The following POLR1A variants were observed in gnomAD, a reference collection of about 807,000 sequenced individuals.
POLR1A encodes DNA-directed RNA polymerase I subunit RPA1.
Under a neutral mutation model 205.3 loss-of-function variants are expected in POLR1A, and 84 were observed. That is an observed-to-expected ratio of 0.41 (90% CI 0.34 to 0.49). The LOEUF (loss-of-function observed/expected upper bound fraction) is 0.49. POLR1A is among the 20% of genes least tolerant of loss of function. The pLI is 0.22. For missense variants in POLR1A, 1,645 were observed against 2,204.5 expected, an observed-to-expected ratio of 0.75 and a Z score of 5.08; for synonymous variants, 799 against 863.7, an observed-to-expected ratio of 0.93 and a Z score of 1.31.
intron 3 of POLR1A, among the ~76,000 whole-genome samples, chr2:86,092,826 A>G (rs993816666): frequency 6.6e-6 from 1 of 152,024 alleles, no homozygotes; most frequent in Non-Finnish European, 1.5e-5. Flanking sequence ...CTCTCTCTCA[A>G]AAAAAAAGAA....
rs865977646 is a variant in POLR1A at position 86,068,387 on chromosome 2, G to C, written c.1866+1631C>G. Among the ~76,000 whole-genome samples the C allele has an allele frequency of 3.0e-4, 8 of 26,862 alleles. No homozygotes were observed. The East Asian group carries it at 5.1e-3, about 17-fold the overall frequency. The allele number at this position is 26,862 out of a possible 152,430, so 17.6% of individuals were successfully genotyped here. A position where few individuals can be genotyped will look rare whatever the true frequency, so the allele number is the denominator to read the frequency against. The stretch of plus-strand genomic sequence containing the variant: ...AACACGCACAGCCAAGCACATGGGC[G>C]GGGGGGGGGGGCGGGTGTCGTCCAA... On this transcript the variant is annotated intron_variant, in intron 13 of 33. Coordinates refer to ENST00000263857, the MANE Select transcript of POLR1A (RefSeq NM_015425.6).
intron 16 of POLR1A, among the ~76,000 whole-genome samples, chr2:86,051,727 C>T (rs1672806847): frequency 6.6e-6 from 1 of 152,262 alleles, no homozygotes. Context: ...CAGATCTGAT[C>T]TCAAGCCCAC....
chr2:86,075,060 C>G lies in POLR1A; in HGVS notation c.1581G>C (p.Thr527=), dbSNP rs777773517. 1 of 1,611,266 alleles carries G rather than the reference C, an allele frequency of 6.2e-7. No individual in the cohort carries two copies. Among genetic ancestry groups the G allele is most frequent in the Non-Finnish European group, 8.5e-7 (1 of 1,179,624 alleles). ...TTGTCCCCTGGGGCTTAGGTGCCCC[C>G]GTGGCTGGGGTCAGAAGCTGCTTGG... is the stretch of plus-strand genomic sequence containing the variant. The part of the protein sequence containing the change: ...AVAKQLLTPA[T]GAPKPQGTKI... The change falls in exon 12 of 34, where the codon ACG becomes ACC. Residue 527 remains threonine, a synonymous_variant. Coordinates refer to ENST00000263857, the MANE Select transcript of POLR1A (RefSeq NM_015425.6).
intron 6 of POLR1A, among the ~76,000 whole-genome samples, chr2:86,087,832 C>T (rs1370942908): frequency 2.0e-5 from 3 of 152,122 alleles, no homozygotes; most frequent in Non-Finnish European, 4.4e-5. Flanking sequence ...TGTGAGCTAC[C>T]GTGCCCAGCC....
intron 3 of POLR1A, among the ~76,000 whole-genome samples, chr2:86,097,241 A>AAAAAAAAAAAAAC: frequency 6.8e-6 from 1 of 147,674 alleles, no homozygotes; most frequent in Admixed American, 6.7e-5. Flanking sequence ...AAAAAAAAAA[A>AAAAAAAAAAAAAC]AGCAAATGCT....
intron 3 of POLR1A, among the ~76,000 whole-genome samples, chr2:86,094,290 G>A (rs965374174): frequency 6.6e-5 from 10 of 152,212 alleles, no homozygotes; most frequent in African/African-American, 2.2e-4. Context: ...CAACATAAAA[G>A]TAGGTTCATG....
chr2:86,092,350 G>C (rs998911511), intron 3 of POLR1A, among the ~76,000 whole-genome samples: 4 of 152,174 alleles, frequency 2.6e-5, no homozygotes, highest in Non-Finnish European at 5.9e-5. Flanking sequence ...GGGCCTCTAG[G>C]CCAGGGGGGC....
intron 14 of POLR1A, among the ~76,000 whole-genome samples, chr2:86,063,974 T>C (rs1386628645): frequency 6.6e-6 from 1 of 152,250 alleles, no homozygotes; most frequent in Non-Finnish European, 1.5e-5. Context: ...AAGTACGTTA[T>C]TTAGAAGTAC....
At position 86,068,392 on chromosome 2, in the gene POLR1A, G is replaced by GT. The variant is rs199513281; in HGVS notation, c.1866+1625_1866+1626insA. Among the ~76,000 whole-genome samples the GT allele has an allele frequency of 6.1e-5, 7 of 114,888 alleles. 1 individual carries two copies. Among genetic ancestry groups the GT allele is most frequent in the Admixed American group, 1.7e-4 (2 of 11,934 alleles). 75.4% of individuals were successfully genotyped at this position (114,888 alleles called of 152,430 possible). On this transcript the variant is annotated intron_variant, in intron 13 of 33. Transcript: ENST00000263857. ...GCACAGCCAAGCACATGGGCGGGGG[G>GT]GGGGGGCGGGTGTCGTCCAAAGCTG...
At position 86,070,961 on chromosome 2, in the gene POLR1A, G is replaced by A. The variant is rs947121115; in HGVS notation, c.1612-689C>T. On this transcript the variant is annotated intron_variant, in intron 12 of 33. Transcript: ENST00000263857. This position sits in a 1 kb window ranked among gnomAD's most constrained non-coding sequence, Gnocchi z 4.4. ...AAGAAAAAAAAAAGCACCCACACAA[G>A]GTTAGATGAGTATGTATGTTTGTGT... Among the ~76,000 whole-genome samples the A allele has an allele frequency of 2.0e-5, 3 of 151,796 alleles. No homozygotes were observed. The highest frequency in any genetic ancestry group is 2.9e-5 in the Non-Finnish European group (2 of 67,992).
At position 86,020,513 on chromosome 2, in the gene POLR1A, A is replaced by G. The variant is rs941060324; in HGVS notation, c.*6910T>C. 1.4e-5 allele frequency: 2 copies of G among 139,952 alleles called. No individual in the cohort carries two copies. The highest frequency in any genetic ancestry group is 5.7e-5 in the African/African-American group (2 of 35,052). The allele number at this position is 139,952 out of a possible 1,614,324, so 8.7% of individuals were successfully genotyped here. ...CTGTGAGCCGTGATTGCAACCCTGC[A>G]CTCCAGCCTGGGCAACAGAGTGAGA... On this transcript the variant is annotated 3_prime_UTR_variant, in exon 34 of 34. Transcript: ENST00000263857.
In POLR1A at chr2:86,089,771, G is replaced by A. The variant is rs768766832; in HGVS notation, c.540+51C>T. On this transcript the variant is annotated intron_variant, in intron 4 of 33. Transcript: ENST00000263857. ...ATGCAAAGGACAACACAGAGGGAAA[G>A]TGATAAAATGATGCCCAAAACAGCA... 4.5e-6 allele frequency: 5 copies of A among 1,106,754 alleles called. No individual in the cohort carries two copies. The African/African-American group carries it at 7.6e-5, about 17-fold the overall frequency. 68.6% of individuals were successfully genotyped at this position (1,106,754 alleles called of 1,614,324 possible).
At chr2:86,082,194 G>A (rs951883293) in intron 7 of POLR1A, among the ~76,000 whole-genome samples, 4 of 151,974 alleles carry the variant, frequency 2.6e-5, no homozygotes, top group African/African-American at 9.7e-5. Context: ...TTGTATGCAG[G>A]GGATATGATA....
intron 14 of POLR1A, among the ~76,000 whole-genome samples, chr2:86,062,455 T>A (rs1673013564): frequency 6.6e-6 from 1 of 151,738 alleles, no homozygotes; most frequent in Non-Finnish European, 1.5e-5. Context: ...AACATACTTC[T>A]AAATAACTCA....
At chr2:86,093,819 A>T (rs1673653980) in intron 3 of POLR1A, among the ~76,000 whole-genome samples, 1 of 152,288 alleles carries the variant, frequency 6.6e-6, no homozygotes, top group South Asian at 2.1e-4. Context: ...ACAGGGCCAG[A>T]CTCTGTCTCA....
At chr2:86,062,467 G>A (rs541266338) in intron 14 of POLR1A, among the ~76,000 whole-genome samples, 1 of 151,694 alleles carries the variant, frequency 6.6e-6, no homozygotes, top group African/African-American at 2.4e-5. Context: ...AATAACTCAT[G>A]GATTGAAAAA....
chr2:86,068,406 C>T (rs539048293), intron 13 of POLR1A, among the ~76,000 whole-genome samples: 1 of 98,870 alleles, frequency 1.0e-5, no homozygotes, highest in Non-Finnish European at 1.9e-5. Context: ...GGGCGGGTGT[C>T]GTCCAAAGCT....
intron 6 of POLR1A, among the ~76,000 whole-genome samples, chr2:86,086,251 G>A (rs1372469487): frequency 6.6e-6 from 1 of 151,910 alleles, no homozygotes; most frequent in East Asian, 1.9e-4. Context: ...GTAGAGACAG[G>A]GTTTCACCAT....
chr2:86,088,593 C>T lies in POLR1A; in HGVS notation c.703G>A (p.Ala235Thr). Reference protein sequence around the residue: ...ITFPAMVHRTAGQKDSEPLGI... With the variant: ...ITFPAMVHRTTGQKDSEPLGI... Reference sequence around the variant, plus strand: ...AGGGGCTCAGAGTCCTTCTGGCCAGCTGTCCTGTGCACCATGGCTGGAAAC... The same window carrying T: ...AGGGGCTCAGAGTCCTTCTGGCCAGTTGTCCTGTGCACCATGGCTGGAAAC... The change falls in exon 6 of 34, where the codon GCT (alanine) becomes ACT (threonine). Residue 235 changes from alanine (A) to threonine (T), a missense_variant. By Grantham distance (58) the Ala-to-Thr change is moderately conservative. This residue lies in a region of POLR1A where 330 missense variants were observed against 375.6 expected (regional missense o/e 0.88). Transcript: ENST00000263857. 3 of 1,614,000 alleles carry T rather than the reference C, an allele frequency of 1.9e-6. No homozygotes were observed. Among genetic ancestry groups the T allele is most frequent in the Non-Finnish European group, 2.5e-6 (3 of 1,179,820 alleles).
Sources: allele counts gnomAD v4.1 joint callset (sites outside exome capture counted in the v4.1 genomes callset), GRCh38; gene constraint gnomAD v4.1.1; regional missense constraint gnomAD v4.1.1; non-coding constraint Gnocchi (gnomAD v3.1); transcripts MANE v1.5; gene names NCBI Gene and HGNC (gene_info 2026-07-23, HGNC 2026-07-21).